The following AP1AR variants were observed in gnomAD, a reference collection of about 807,000 sequenced individuals.
The protein encoded by AP1AR is adaptor related protein complex 1 associated regulatory protein, also known as AP-1 complex-associated regulatory protein.
AP1AR carries 29 observed loss-of-function variants against 46.3 expected under a neutral mutation model. That is an observed-to-expected ratio of 0.63 (90% CI 0.47 to 0.85). The LOEUF is 0.85. Among genes scored for constraint, AP1AR ranks in the 40% least tolerant of loss-of-function variants. AP1AR has a pLI of 0.00. For missense variants in AP1AR, 357 were observed against 356.3 expected, an observed-to-expected ratio of 1.00 and a Z score of -0.02; for synonymous variants, 122 against 122.9, an observed-to-expected ratio of 0.99 and a Z score of 0.05.
Position 112,268,465 on chromosome 4 carries a change from G to T in AP1AR, c.*56G>T. 1 of 1,497,014 alleles carries T rather than the reference G, an allele frequency of 6.7e-7. No homozygotes were observed. Among genetic ancestry groups the T allele is most frequent in the South Asian group, 1.4e-5 (1 of 73,186 alleles). 92.7% of individuals were successfully genotyped at this position (1,497,014 alleles called of 1,614,324 possible). ...ATGACCAAATGTTAAAAACCAACTA[G>T]AATGTATAAGTGATTGTGCTTAGCC... is the stretch of plus-strand genomic sequence containing the variant. On this transcript the variant is annotated 3_prime_UTR_variant, in exon 10 of 10. Transcript: ENST00000274000.
chr4:112,250,100 T>C (rs1233187999), intron 1 of AP1AR, among the ~76,000 whole-genome samples: 1 of 152,188 alleles, frequency 6.6e-6, no homozygotes, highest in African/African-American at 2.4e-5. Context: ...AATAGTTGAG[T>C]ACTTCCATTC....
intron 6 of AP1AR, 27 bp from the exon 7 acceptor site, chr4:112,264,982 T>A: frequency 6.4e-7 from 1 of 1,569,968 alleles, no homozygotes; most frequent in Non-Finnish European, 8.6e-7. Flanking sequence ...ACAGAGTGAT[T>A]TTTTTTATTA....
intron 9 of AP1AR, 118 bp from the exon 10 acceptor site, chr4:112,268,026 G>A (rs1726778673): frequency 2.8e-6 from 3 of 1,066,862 alleles, no homozygotes; most frequent in Non-Finnish European, 3.8e-6. Flanking sequence ...GGGTCTTTAA[G>A]TTAATTCACA....
chr4:112,269,248 C>T lies in AP1AR; in HGVS notation c.*839C>T, dbSNP rs556326183. The T allele has an allele frequency of 6.6e-6, 1 of 152,258 alleles. No individual in the cohort carries two copies. Among genetic ancestry groups the T allele is most frequent in the African/African-American group, 2.4e-5 (1 of 41,500 alleles). 9.4% of individuals were successfully genotyped at this position (152,258 alleles called of 1,614,324 possible). On this transcript the variant is annotated 3_prime_UTR_variant, in exon 10 of 10. Coordinates refer to ENST00000274000, the MANE Select transcript of AP1AR (RefSeq NM_018569.6). The stretch of plus-strand genomic sequence containing the variant: ...TGTTAGATTTTACACAGAACATATT[C>T]TCTGCATGATTTCAGAAAAGAAAAT...
chr4:112,248,065 C>A (rs886087387), intron 1 of AP1AR, among the ~76,000 whole-genome samples: 1 of 152,080 alleles, frequency 6.6e-6, no homozygotes, highest in Non-Finnish European at 1.5e-5. Context: ...TATAATCAAG[C>A]TTTTAAATCA....
At position 112,253,188 on chromosome 4, in the gene AP1AR, T is replaced by C; in HGVS notation, c.84-20T>C. On this transcript the variant is annotated intron_variant, in intron 1 of 9. Transcript: ENST00000274000. ...TAGAGTTAATTGTGTTTTTTAAAGTTATTCTGTTTTCCTTCCCAGATCCAA... is the reference window on the plus strand; with the variant it reads ...TAGAGTTAATTGTGTTTTTTAAAGTCATTCTGTTTTCCTTCCCAGATCCAA... 3 of 1,598,478 alleles carry C rather than the reference T, an allele frequency of 1.9e-6. No individual in the cohort carries two copies. Among genetic ancestry groups the C allele is most frequent in the Non-Finnish European group, 2.6e-6 (3 of 1,170,872 alleles).
At chr4:112,261,968 CA>C (rs372031744) in intron 5 of AP1AR, among the ~76,000 whole-genome samples, 155 of 138,786 alleles carry the variant, frequency 1.1e-3, no homozygotes, top group Non-Finnish European at 1.0e-3. Flanking sequence ...GACCCTGTCT[CA>C]AAAAAAAAAA....
chr4:112,262,586 G>A (rs1326127108), intron 5 of AP1AR, among the ~76,000 whole-genome samples: 1 of 152,188 alleles, frequency 6.6e-6, no homozygotes, highest in Non-Finnish European at 1.5e-5. Context: ...TTTTGTGAAA[G>A]CTGAGTTCAC....
intron 1 of AP1AR, among the ~76,000 whole-genome samples, chr4:112,238,289 C>G (rs1725339459): frequency 6.6e-6 from 1 of 152,186 alleles, no homozygotes; most frequent in Non-Finnish European, 1.5e-5. Flanking sequence ...TACAATTTCT[C>G]CTATCCTTCA....
At position 112,231,966 on chromosome 4, in the gene AP1AR, C is replaced by A; in HGVS notation, c.-126C>A. 1 of 885,694 alleles carries A rather than the reference C, an allele frequency of 1.1e-6. No individual in the cohort carries two copies. Among genetic ancestry groups the A allele is most frequent in the Non-Finnish European group, 1.5e-6 (1 of 658,262 alleles). 54.9% of individuals were successfully genotyped at this position (885,694 alleles called of 1,614,324 possible). On this transcript the variant is annotated 5_prime_UTR_variant, in exon 1 of 10. In the 5' UTR this introduces an upstream ATG that the reference lacks. Coordinates refer to ENST00000274000, the MANE Select transcript of AP1AR (RefSeq NM_018569.6). ...CCCCGTGCCCTCACGCCGCCGGGCT[C>A]TGGCCGGCCCGCCCTCGGTCCTTGA...
At chr4:112,244,108 TAGA>T (rs773060669) in intron 1 of AP1AR, among the ~76,000 whole-genome samples, 41 of 152,186 alleles carry the variant, frequency 2.7e-4, no homozygotes, top group Non-Finnish European at 4.1e-4. Context: ...TAATCAATAA[TAGA>T]TGTGTAAGAC....
intron 1 of AP1AR, among the ~76,000 whole-genome samples, chr4:112,247,313 A>G (rs1238235276): frequency 6.6e-6 from 1 of 152,232 alleles, no homozygotes. Flanking sequence ...AAAGAAAAGT[A>G]CTTTTACTGA....
chr4:112,261,003 C>A (rs1726419454), intron 5 of AP1AR, 141 bp downstream of exon 5: 5 of 473,934 alleles, frequency 1.1e-5, no homozygotes, highest in Non-Finnish European at 1.8e-5. Flanking sequence ...AAAATCATTC[C>A]AGCCTATTAT....
chr4:112,232,565 C>T (rs1004788352), intron 1 of AP1AR, among the ~76,000 whole-genome samples: 12 of 152,214 alleles, frequency 7.9e-5, no homozygotes, highest in African/African-American at 1.9e-4. Flanking sequence ...CTGTATCTGA[C>T]CCTCTCTTTA....
At chr4:112,235,090 C>T (rs990949279) in intron 1 of AP1AR, among the ~76,000 whole-genome samples, 2 of 152,108 alleles carry the variant, frequency 1.3e-5, no homozygotes, top group African/African-American at 4.8e-5. Context: ...CTAATGAAGT[C>T]ATTTGGTGAT....
intron 1 of AP1AR, among the ~76,000 whole-genome samples, chr4:112,249,762 T>C (rs1214031928): frequency 6.6e-6 from 1 of 152,190 alleles, no homozygotes; most frequent in African/African-American, 2.4e-5. Context: ...CCAGTCAGCG[T>C]GGCCATTACT....
intron 6 of AP1AR, among the ~76,000 whole-genome samples, chr4:112,263,902 T>C (rs1726560826): frequency 6.6e-6 from 1 of 152,210 alleles, no homozygotes; most frequent in African/African-American, 2.4e-5. Flanking sequence ...TTAGCTGGTA[T>C]CCTTAATATC....
intron 1 of AP1AR, among the ~76,000 whole-genome samples, chr4:112,236,547 C>G (rs1165351459): frequency 6.6e-6 from 1 of 151,990 alleles, no homozygotes; most frequent in Non-Finnish European, 1.5e-5. Context: ...ATTACAGGCA[C>G]CCACCACCAT....
chr4:112,272,634 C>T lies in AP1AR; in HGVS notation c.*4225C>T, dbSNP rs1671808432. Reference sequence around the variant, plus strand: ...TAAGACAAAGGTCAAGCTGGGTACTCAATCTTTTGACGTCCCCCTTCGTTC... The same window carrying T: ...TAAGACAAAGGTCAAGCTGGGTACTTAATCTTTTGACGTCCCCCTTCGTTC... On this transcript the variant is annotated 3_prime_UTR_variant, in exon 10 of 10. Transcript: ENST00000274000. 6.6e-6 allele frequency among the ~76,000 whole-genome samples: 1 copy of T among 152,188 alleles called. No individual in the cohort carries two copies. The highest frequency in any genetic ancestry group is 2.4e-5 in the African/African-American group (1 of 41,436).
Sources: allele counts gnomAD v4.1 joint callset (sites outside exome capture counted in the v4.1 genomes callset), GRCh38; gene constraint gnomAD v4.1.1; transcripts MANE v1.5; gene names NCBI Gene and HGNC (gene_info 2026-07-23, HGNC 2026-07-21).